Variants in SHTN1 observed in about 807,000 individuals in gnomAD.
SHTN1 encodes the protein shootin-1.
SHTN1 carries 42 observed loss-of-function variants against 83.1 expected under a neutral mutation model. The ratio of observed to expected loss-of-function variants is 0.51; its 90% CI spans 0.39 to 0.65. The LOEUF (loss-of-function observed/expected upper bound fraction) is 0.65. Among genes scored for constraint, SHTN1 ranks in the 30% least tolerant of loss-of-function variants. The pLI is 0.00. For missense variants in SHTN1, 622 were observed against 737.8 expected (o/e 0.84, Z 1.82); for synonymous variants, 224 against 247.7 (o/e 0.90, Z 0.90).
chr10:116,948,334 G>A (rs1275628874), intron 7 of SHTN1, among the ~76,000 whole-genome samples: 1 of 152,084 alleles, frequency 6.6e-6, no homozygotes, highest in Non-Finnish European at 1.5e-5. Flanking sequence ...CTGATCATTA[G>A]GTTCATTTTC....
Position 116,885,638 on chromosome 10 carries a change from T to G in SHTN1, c.*706A>C, listed in dbSNP as rs1847142976. 1 of 152,480 alleles carries G rather than the reference T, an allele frequency of 6.6e-6. No individual in the cohort carries two copies. The highest frequency in any genetic ancestry group is 2.4e-5 in the African/African-American group (1 of 41,474). 9.4% of individuals were successfully genotyped at this position (152,480 alleles called of 1,614,324 possible). Reference sequence around the variant, plus strand: ...AGCACATGGTTTACCAACTTACTACTGTAAAATTCAAGGTTTGGACTTTCA... The same window carrying G: ...AGCACATGGTTTACCAACTTACTACGGTAAAATTCAAGGTTTGGACTTTCA... On this transcript the variant is annotated 3_prime_UTR_variant, in exon 17 of 17. Coordinates refer to ENST00000355371, the MANE Select transcript of SHTN1 (RefSeq NM_001127211.3).
intron 4 of SHTN1, among the ~76,000 whole-genome samples, chr10:116,959,121 T>C (rs914752515): frequency 1.3e-5 from 2 of 152,324 alleles, no homozygotes; most frequent in Admixed American, 6.5e-5. Context: ...TACGGACTAG[T>C]GAACTCTAGG....
At chr10:116,972,231 T>TC (rs1439597601) in intron 2 of SHTN1, among the ~76,000 whole-genome samples, 2 of 152,192 alleles carry the variant, frequency 1.3e-5, no homozygotes, top group Non-Finnish European at 2.9e-5. Flanking sequence ...ACAAGCTGTC[T>TC]CCCATCCCCA....
rs1847143559 is a variant in SHTN1 at position 116,885,670 on chromosome 10, T to C, written c.*674A>G. ...TTCAAGGTTTGGACTTTCACCTCAG[T>C]TCTGTATTCAGGCTACCAGAGCATC... On this transcript the variant is annotated 3_prime_UTR_variant, in exon 17 of 17. Transcript: ENST00000355371. 6.6e-6 allele frequency: 1 copy of C among 152,368 alleles called. No individual in the cohort carries two copies. Among genetic ancestry groups the C allele is most frequent in the Non-Finnish European group, 1.5e-5 (1 of 68,104 alleles). The allele number at this position is 152,368 out of a possible 1,614,324, so 9.4% of individuals were successfully genotyped here.
chr10:116,946,556 G>A (rs746137436), intron 7 of SHTN1, among the ~76,000 whole-genome samples: 3 of 105,718 alleles, frequency 2.8e-5, no homozygotes, highest in East Asian at 5.5e-4. Flanking sequence ...TATATAAAAT[G>A]ATTTATATAT....
chr10:116,901,944 T>C lies in SHTN1; in HGVS notation c.1494A>G (p.Ile498Met), dbSNP rs1388852490. ...AEADSSSPTG[I>M]LATSESKSMP... ...TGGATTTGGACTCTGAGGTGGCTAA[T>C]ATCCCAGTTGGACCTTAAAACCAAA... Residue 498 changes from isoleucine (I) to methionine (M), a missense_variant, in exon 16 of 17, where the codon ATA (isoleucine) becomes ATG (methionine). Ile to Met is a conservative substitution (Grantham distance 10). Coordinates refer to ENST00000355371, the MANE Select transcript of SHTN1 (RefSeq NM_001127211.3). 1.9e-6 allele frequency: 3 copies of C among 1,599,992 alleles called. No homozygotes were observed. The highest frequency in any genetic ancestry group is 1.7e-4 in the Middle Eastern group (1 of 6,056).
At chr10:117,085,117 T>C (rs1034623523) in intron 1 of SHTN1, among the ~76,000 whole-genome samples, 1 of 152,184 alleles carries the variant, frequency 6.6e-6, no homozygotes, top group Admixed American at 6.5e-5. Flanking sequence ...TTTCATTGAT[T>C]TTCTCTATTG....
chr10:117,068,693 C>T (rs1898354), intron 1 of SHTN1, among the ~76,000 whole-genome samples: 104,397 of 151,938 alleles, frequency 0.69, 38,172 homozygotes, highest in Middle Eastern at 0.84. Flanking sequence ...ATAATTACTG[C>T]TAATTCTGCT....
At chr10:117,057,609 T>A (rs1852843009) in intron 1 of SHTN1, among the ~76,000 whole-genome samples, 1 of 152,118 alleles carries the variant, frequency 6.6e-6, no homozygotes, top group African/African-American at 2.4e-5. Flanking sequence ...GGCTAGGACA[T>A]TCAAAACAAC....
chr10:117,078,595 G>A (rs1209483054), intron 1 of SHTN1, among the ~76,000 whole-genome samples: 3 of 152,144 alleles, frequency 2.0e-5, no homozygotes, highest in Non-Finnish European at 4.4e-5. Flanking sequence ...TTGATCCATT[G>A]TGTCTTGTCT....
chr10:117,118,315 T>C (rs1214389822), intron 1 of SHTN1, among the ~76,000 whole-genome samples: 1 of 137,418 alleles, frequency 7.3e-6, no homozygotes, highest in Non-Finnish European at 1.5e-5. Context: ...TCAACATCCC[T>C]AATCATCAGA....
At chr10:116,962,349 G>T in intron 3 of SHTN1, among the ~76,000 whole-genome samples, 1 of 151,810 alleles carries the variant, frequency 6.6e-6, no homozygotes, top group South Asian at 2.1e-4. Context: ...AATATTCCTG[G>T]CATTTTATCA....
At chr10:117,120,235 T>A (rs1853903565) in intron 1 of SHTN1, among the ~76,000 whole-genome samples, 1 of 152,028 alleles carries the variant, frequency 6.6e-6, no homozygotes, top group Non-Finnish European at 1.5e-5. Context: ...ATATCCCATT[T>A]TTCCATGATG....
In SHTN1 at chr10:116,972,416, T is replaced by C. The variant is rs551731117; in HGVS notation, c.112-3704A>G. Reference sequence around the variant, plus strand: ...CAGCTTACTTATTCTGAACCAGAACTGAGCAAAATATGGAGGATGTACGCA... The same window carrying C: ...CAGCTTACTTATTCTGAACCAGAACCGAGCAAAATATGGAGGATGTACGCA... On this transcript the variant is annotated intron_variant, in intron 2 of 16. Transcript: ENST00000355371. Among the ~76,000 whole-genome samples the C allele has an allele frequency of 1.4e-4, 21 of 152,336 alleles. 1 individual carries two copies. Among genetic ancestry groups the C allele is most frequent in the South Asian group, 1.2e-3 (6 of 4,826 alleles).
At chr10:117,001,486 C>T (rs535252629) in intron 1 of SHTN1, among the ~76,000 whole-genome samples, 3 of 152,234 alleles carry the variant, frequency 2.0e-5, no homozygotes, top group South Asian at 4.2e-4. Flanking sequence ...AAAGGCTTCA[C>T]GTTAGGGAAG....
rs544336209 is a variant in SHTN1 at position 116,959,920 on chromosome 10, C to G, written c.267+216G>C. 7.4e-4 allele frequency among the ~76,000 whole-genome samples: 112 copies of G among 152,308 alleles called. 2 individuals carry two copies. In the South Asian group the frequency reaches 0.022, roughly 30 times the overall value. On this transcript the variant is annotated intron_variant, in intron 4 of 16. Transcript: ENST00000355371. ...GCACAAATGCTGAAATACTCACATA[C>G]AAATGCTCCTTTTACAATTTGGAAT...
At chr10:117,078,768 T>A (rs1207439639) in intron 1 of SHTN1, among the ~76,000 whole-genome samples, 1 of 152,150 alleles carries the variant, frequency 6.6e-6, no homozygotes, top group Non-Finnish European at 1.5e-5. Context: ...TAGGTAAATA[T>A]AAATAAATTA....
chr10:117,002,222 T>TA (rs1449232651), intron 1 of SHTN1, among the ~76,000 whole-genome samples: 1 of 152,298 alleles, frequency 6.6e-6, no homozygotes, highest in East Asian at 1.9e-4. Flanking sequence ...TATCCTAGAA[T>TA]AAAAAAGTAA....
intron 2 of SHTN1, among the ~76,000 whole-genome samples, chr10:117,036,242 T>G (rs1490186555): frequency 6.6e-6 from 1 of 151,650 alleles, no homozygotes; most frequent in East Asian, 1.9e-4. Context: ...CTCAAAAAAC[T>G]AAAAAAAGAG....
Sources: allele counts gnomAD v4.1 joint callset (sites outside exome capture counted in the v4.1 genomes callset), GRCh38; gene constraint gnomAD v4.1.1; transcripts MANE v1.5; gene names NCBI Gene and HGNC (gene_info 2026-07-23, HGNC 2026-07-21).